The following FARP1 variants were observed in gnomAD, a reference collection of about 807,000 sequenced individuals.
FARP1 encodes FERM, ARH/RhoGEF and pleckstrin domain protein 1.
A neutral mutation model predicts 128.8 loss-of-function variants in FARP1; 52 were observed. That is an observed-to-expected ratio of 0.40 (90% CI 0.32 to 0.51). FARP1 has a LOEUF of 0.51. Ranked by LOEUF, FARP1 falls within the 20% of genes least tolerant of loss-of-function variation. The pLI, the probability that FARP1 is intolerant of heterozygous loss-of-function variation, is 0.45. For missense variants in FARP1, 1,333 were observed against 1,367.9 expected (o/e 0.97, Z 0.40); for synonymous variants, 580 against 551.8 (o/e 1.05, Z -0.72).
chr13:98,350,395 C>G (rs1233071206), intron 3 of FARP1, among the ~76,000 whole-genome samples: 2 of 152,144 alleles, frequency 1.3e-5, no homozygotes, highest in East Asian at 3.8e-4. Flanking sequence ...ATATACTGTT[C>G]CCGCTCTGTC....
intron 1 of FARP1, among the ~76,000 whole-genome samples, chr13:98,165,214 CAA>C (rs34285712): frequency 0.11 from 9,445 of 84,360 alleles, 326 homozygotes; most frequent in Admixed American, 0.19. Context: ...GACTCTGTCT[CAA>C]AAAAAAAAAA....
chr13:98,267,512 G>C (rs1884180222), intron 2 of FARP1, among the ~76,000 whole-genome samples: 1 of 152,182 alleles, frequency 6.6e-6, no homozygotes, highest in African/African-American at 2.4e-5. Context: ...CCCAAGGTTG[G>C]ACTCTCGGCC....
intron 2 of FARP1, among the ~76,000 whole-genome samples, chr13:98,285,684 A>G (rs1022940550): frequency 7.9e-5 from 12 of 151,148 alleles, no homozygotes; most frequent in African/African-American, 2.7e-4. Flanking sequence ...GCAGCATTCA[A>G]ACGACTCTCT....
At chr13:98,421,855 T>C (rs1293007708) in intron 16 of FARP1, among the ~76,000 whole-genome samples, 2 of 149,000 alleles carry the variant, frequency 1.3e-5, no homozygotes, top group African/African-American at 5.0e-5. Flanking sequence ...CCCATATCTT[T>C]AAAAAAAAAA....
In FARP1 at chr13:98,232,144, G is replaced by GTTTTTTTTTTTTTTTTTTTTTTTTTTTTT. The variant is rs1555329634; in HGVS notation, c.171+18731_171+18732insTTTTTTTTTTTTTTTTTTTTTTTTTTTTT. On this transcript the variant is annotated intron_variant, in intron 2 of 26. Coordinates refer to ENST00000319562, the MANE Select transcript of FARP1 (RefSeq NM_005766.4). ...CGTGCCCGGCTTTTTTTGTTTGGTT[G>GTTTTTTTTTTTTTTTTTTTTTTTTTTTTT]GTTTTTTTTTTTTTTTTTTTTTGCT... is the stretch of plus-strand genomic sequence containing the variant. Among the ~76,000 whole-genome samples the GTTTTTTTTTTTTTTTTTTTTTTTTTTTTT allele has an allele frequency of 1.7e-4, 19 of 111,690 alleles. 5 individuals are homozygous for GTTTTTTTTTTTTTTTTTTTTTTTTTTTTT. The highest frequency in any genetic ancestry group is 1.7e-4 in the Non-Finnish European group (10 of 59,270). The allele number at this position is 111,690 out of a possible 152,430, so 73.3% of individuals were successfully genotyped here.
intron 2 of FARP1, among the ~76,000 whole-genome samples, chr13:98,242,680 G>T (rs534220437): frequency 6.6e-6 from 1 of 152,160 alleles, no homozygotes. Flanking sequence ...CTGTCTCAAA[G>T]AAATCTGGAC....
At chr13:98,212,047 A>T (rs1284566387) in intron 1 of FARP1, among the ~76,000 whole-genome samples, 1 of 152,154 alleles carries the variant, frequency 6.6e-6, no homozygotes, top group Admixed American at 6.6e-5. Flanking sequence ...ACCAGATGCC[A>T]GGATGTGACA....
At chr13:98,184,341 C>G (rs1379522442) in intron 1 of FARP1, among the ~76,000 whole-genome samples, 1 of 152,112 alleles carries the variant, frequency 6.6e-6, no homozygotes, top group African/African-American at 2.4e-5. Context: ...TGCTTTCGAA[C>G]TCGTGACTTC....
chr13:98,305,414 A>ACC (rs1374572414), intron 2 of FARP1, among the ~76,000 whole-genome samples: 6 of 150,858 alleles, frequency 4.0e-5, no homozygotes, highest in Non-Finnish European at 5.9e-5. Context: ...CGCAGCCTCC[A>ACC]TCTCCACCTC....
At chr13:98,446,592 A>T in intron 25 of FARP1, 74 bp from the exon 26 acceptor site, 1 of 1,497,958 alleles carries the variant, frequency 6.7e-7, no homozygotes, top group Non-Finnish European at 9.2e-7. Context: ...TCCCTGTCTG[A>T]TGCGGGGCAG....
At chr13:98,306,008 C>T (rs1449775536) in intron 2 of FARP1, among the ~76,000 whole-genome samples, 3 of 152,172 alleles carry the variant, frequency 2.0e-5, no homozygotes, top group African/African-American at 7.2e-5. Flanking sequence ...ACTGAACTAT[C>T]CATGTGCAGA....
At chr13:98,269,988 C>G (rs1046527768) in intron 2 of FARP1, among the ~76,000 whole-genome samples, 8 of 152,082 alleles carry the variant, frequency 5.3e-5, no homozygotes, top group African/African-American at 1.9e-4. Context: ...GCCTGTAGTC[C>G]CAACTACTTG....
At chr13:98,313,313 A>AACACACACACAC (rs10684013) in intron 2 of FARP1, among the ~76,000 whole-genome samples, 1 of 139,392 alleles carries the variant, frequency 7.2e-6, no homozygotes, top group African/African-American at 2.7e-5. Context: ...CCTTCCCCCA[A>AACACACACACAC]ACACACACAC....
intron 2 of FARP1, among the ~76,000 whole-genome samples, chr13:98,327,005 G>A (rs942892777): frequency 9.2e-5 from 14 of 152,162 alleles, no homozygotes; most frequent in South Asian, 4.1e-4. Context: ...ATGAGTACAC[G>A]CAATTGGTAG....
At chr13:98,266,625 A>C (rs1481165560) in intron 2 of FARP1, among the ~76,000 whole-genome samples, 1 of 152,214 alleles carries the variant, frequency 6.6e-6, no homozygotes, top group South Asian at 2.1e-4. Context: ...ACCAGTTCCT[A>C]AAATTTCCAT....
At chr13:98,399,479 C>T (rs117873608) in intron 13 of FARP1, 1,694 of 152,308 alleles carry the variant, frequency 0.011, 22 homozygotes, top group South Asian at 0.045. Context: ...CAAGGGCATG[C>T]GTGTGCATGA....
At chr13:98,221,576 G>A (rs1174934023) in intron 2 of FARP1, among the ~76,000 whole-genome samples, 1 of 152,206 alleles carries the variant, frequency 6.6e-6, no homozygotes, top group African/African-American at 2.4e-5. Context: ...GTGGACTTAC[G>A]TGCAGCTTCT....
chr13:98,264,715 T>A (rs1472653715), intron 2 of FARP1, among the ~76,000 whole-genome samples: 6 of 152,210 alleles, frequency 3.9e-5, no homozygotes, highest in Non-Finnish European at 8.8e-5. Context: ...TAAGAATGAA[T>A]GGTAAGAATA....
chr13:98,326,377 T>C (rs1167443418), intron 2 of FARP1, among the ~76,000 whole-genome samples: 1 of 152,278 alleles, frequency 6.6e-6, no homozygotes, highest in Non-Finnish European at 1.5e-5. Context: ...CAGTAGCTTT[T>C]CGTATTTTCA....
Sources: allele counts gnomAD v4.1 joint callset (sites outside exome capture counted in the v4.1 genomes callset), GRCh38; gene constraint gnomAD v4.1.1; transcripts MANE v1.5; gene names NCBI Gene and HGNC (gene_info 2026-07-23, HGNC 2026-07-21).